CFLAR: variants seen among roughly 807,000 people sequenced by gnomAD.
CFLAR encodes the protein CASP8 and FADD like apoptosis regulator, also known as CASP8 and FADD-like apoptosis regulator.
A neutral mutation model predicts 51.1 loss-of-function variants in CFLAR; 14 were observed. The ratio of observed to expected loss-of-function variants is 0.27; its 90% CI spans 0.18 to 0.43. CFLAR has a LOEUF of 0.43. Among genes scored for constraint, CFLAR ranks in the 20% least tolerant of loss-of-function variants. The pLI, the probability that CFLAR is intolerant of heterozygous loss-of-function variation, is 1.00. For missense variants in CFLAR, 390 were observed against 566.5 expected, an observed-to-expected ratio of 0.69 and a Z score of 3.16; for synonymous variants, 210 against 211.6, an observed-to-expected ratio of 0.99 and a Z score of 0.06.
Position 201,141,385 on chromosome 2 carries a change from C to T in CFLAR, c.606+946C>T. On this transcript the variant is annotated intron_variant, in intron 5 of 9. Transcript: ENST00000309955. ...TTTCTCTTCTACAGATGATAACACC[C>T]TATGCCCATTGTCCTGATCTGAAAA... is the stretch of plus-strand genomic sequence containing the variant. 2.6e-6 allele frequency: 4 copies of T among 1,559,096 alleles called. No individual in the cohort carries two copies. The South Asian group carries it at 3.5e-5, about 14-fold the overall frequency.
chr2:201,149,901 T>A (rs929035695), intron 8 of CFLAR, 66 bp downstream of exon 8: 6 of 1,195,976 alleles, frequency 5.0e-6, no homozygotes, highest in Non-Finnish European at 7.5e-6. Context: ...GCAAGCTGTA[T>A]TCATTGGAGT....
intron 8 of CFLAR, among the ~76,000 whole-genome samples, chr2:201,159,801 T>A (rs1173490539): frequency 2.0e-5 from 3 of 152,200 alleles, no homozygotes; most frequent in African/African-American, 7.2e-5. Flanking sequence ...AGTTACTAAT[T>A]TAATTATATC....
intron 4 of CFLAR, chr2:201,137,905 T>C (rs2050360491): frequency 5.2e-6 from 4 of 772,128 alleles, no homozygotes; most frequent in African/African-American, 3.4e-5. Context: ...AGGGAGCCCA[T>C]CATCACTGTG....
At chr2:201,137,357 G>A in intron 4 of CFLAR, 1 of 348,170 alleles carries the variant, frequency 2.9e-6, no homozygotes, top group South Asian at 2.5e-5. Flanking sequence ...CAGCAAGGGG[G>A]GCTGCAGACC....
At chr2:201,126,899 C>A (rs1030303986) in intron 1 of CFLAR, among the ~76,000 whole-genome samples, 1 of 152,096 alleles carries the variant, frequency 6.6e-6, no homozygotes, top group Non-Finnish European at 1.5e-5. Context: ...TAATAATTGG[C>A]GATAGTCTCT....
rs1942876510 is a variant in CFLAR at position 201,160,588 on chromosome 2, G to C, written c.950G>C (p.Gly317Ala). The C allele has an allele frequency of 6.2e-7, 1 of 1,613,952 alleles. No homozygotes were observed. The highest frequency in any genetic ancestry group is 2.2e-5 in the East Asian group (1 of 44,870). The stretch of plus-strand genomic sequence containing the variant: ...GTGTGTGTCCTGGTGAGCCGAGGAG[G>C]CTCCCAGAGTGTGTATGGTGTGGAT... ...SFVCVLVSRGGSQSVYGVDQT... is the reference protein window; with the variant it reads ...SFVCVLVSRGASQSVYGVDQT... Residue 317 changes from glycine (G) to alanine (A), a missense_variant, in exon 9 of 10, where the codon GGC becomes GCC. Around this residue, in one of 2 missense-constraint regions of CFLAR, gnomAD observed 287 missense variants for 363.6 expected, o/e 0.79. Coordinates refer to ENST00000309955, the MANE Select transcript of CFLAR (RefSeq NM_003879.7).
intron 5 of CFLAR, chr2:201,141,555 G>T: frequency 7.7e-7 from 1 of 1,304,618 alleles, no homozygotes; most frequent in Non-Finnish European, 9.8e-7. Flanking sequence ...CCAATCTTTT[G>T]TTACTACTAA....
chr2:201,126,015 GTT>G (rs1175281843), intron 1 of CFLAR, among the ~76,000 whole-genome samples: 9 of 151,998 alleles, frequency 5.9e-5, no homozygotes, highest in African/African-American at 2.2e-4. Flanking sequence ...GCTGGCCAGA[GTT>G]TGTAGCATGC....
rs2050402847 is a variant in CFLAR at position 201,138,189 on chromosome 2, G to A, written c.523+2082G>A. 3 of 987,892 alleles carry A rather than the reference G, an allele frequency of 3.0e-6. No homozygotes were observed. The highest frequency in any genetic ancestry group is 1.6e-6 in the Non-Finnish European group (1 of 613,880). The allele number at this position is 987,892 out of a possible 1,614,324, so 61.2% of individuals were successfully genotyped here. A position where few individuals can be genotyped will look rare whatever the true frequency, so the allele number is the denominator to read the frequency against. On this transcript the variant is annotated intron_variant, in intron 4 of 9. Coordinates refer to ENST00000309955, the MANE Select transcript of CFLAR (RefSeq NM_003879.7). This position sits in a 1 kb window ranked among gnomAD's most constrained non-coding sequence, Gnocchi z 4.0. ...ATCACCTGGAGGTGGGGTTACTTTT[G>A]TTTGATGTAATGCACCATGGCGATC...
chr2:201,138,400 G>A lies in CFLAR; in HGVS notation c.524-1957G>A. 1 of 782,680 alleles carries A rather than the reference G, an allele frequency of 1.3e-6. No individual in the cohort carries two copies. Among genetic ancestry groups the A allele is most frequent in the South Asian group, 1.3e-5 (1 of 74,442 alleles). 48.5% of individuals were successfully genotyped at this position (782,680 alleles called of 1,614,324 possible). ...TCTTCAGCGCGGTGCAGGTGATAAT[G>A]GCCACCAGCTCATCGCGATCATTGA... On this transcript the variant is annotated intron_variant, in intron 4 of 9. Coordinates refer to ENST00000309955, the MANE Select transcript of CFLAR (RefSeq NM_003879.7). The surrounding 1 kb of genome is among the most constrained non-coding windows in gnomAD (Gnocchi z 4.0).
At chr2:201,121,918 G>A (rs2041767) in intron 1 of CFLAR, among the ~76,000 whole-genome samples, 3,638 of 152,246 alleles carry the variant, frequency 0.024, 156 homozygotes, top group African/African-American at 0.083. Context: ...TTGAGGAGAA[G>A]GAATGCCTGT....
At chr2:201,136,247 A>G (rs764811007) in intron 4 of CFLAR, 140 bp downstream of exon 4, 2 of 1,604,618 alleles carry the variant, frequency 1.2e-6, no homozygotes, top group Non-Finnish European at 1.7e-6. Context: ...GCTTGTGGCT[A>G]GAAATCGCGT....
chr2:201,117,059 A>AC (rs2047674685), intron 1 of CFLAR: 1 of 152,110 alleles, frequency 6.6e-6, no homozygotes, highest in African/African-American at 2.4e-5. Flanking sequence ...GTTGTTGGGA[A>AC]CGTGGACTTT....
At position 201,163,029 on chromosome 2, in the gene CFLAR, A is replaced by C. The variant is rs1189958229; in HGVS notation, c.1305-806A>C. The C allele has an allele frequency of 5.3e-6, 4 of 757,452 alleles. No individual in the cohort carries two copies. The South Asian group carries it at 5.5e-5, about 10-fold the overall frequency. 46.9% of individuals were successfully genotyped at this position (757,452 alleles called of 1,614,324 possible). ...TTCCCGGAAGTGGAATTACAGAGTC[A>C]AAGGACATGCATTTTTCAAGCCTCG... is the stretch of plus-strand genomic sequence containing the variant. On this transcript the variant is annotated intron_variant, in intron 9 of 9. Transcript: ENST00000309955.
chr2:201,126,374 T>C (rs1249538451), intron 1 of CFLAR, among the ~76,000 whole-genome samples: 2 of 152,220 alleles, frequency 1.3e-5, no homozygotes, highest in Non-Finnish European at 2.9e-5. Context: ...CGGATATTGC[T>C]GGCCACAGTA....
chr2:201,138,530 A>G lies in CFLAR; in HGVS notation c.524-1827A>G. ...GCTTGATCCTTGGCATCATCACCTC[A>G]CTGAGGAGGGTGGTGTGGTCCTTCT... On this transcript the variant is annotated intron_variant, in intron 4 of 9. Coordinates refer to ENST00000309955, the MANE Select transcript of CFLAR (RefSeq NM_003879.7). This position sits in a 1 kb window ranked among gnomAD's most constrained non-coding sequence, Gnocchi z 4.0. 6.4e-7 allele frequency: 1 copy of G among 1,554,506 alleles called. No homozygotes were observed. Among genetic ancestry groups the G allele is most frequent in the South Asian group, 1.1e-5 (1 of 90,074 alleles).
At chr2:201,148,834 T>G (rs1940754333) in intron 6 of CFLAR, 169 bp from the exon 7 acceptor site, 1 of 552,280 alleles carries the variant, frequency 1.8e-6, no homozygotes, top group African/African-American at 1.9e-5. Flanking sequence ...TATGTCACTT[T>G]CTTCAGTGTG....
At chr2:201,131,655 T>C (rs1233952433) in intron 2 of CFLAR, among the ~76,000 whole-genome samples, 2 of 152,218 alleles carry the variant, frequency 1.3e-5, no homozygotes. Flanking sequence ...TTGGAAAGTA[T>C]ATGAGATTTG....
At chr2:201,127,933 C>T (rs969288219) in intron 1 of CFLAR, among the ~76,000 whole-genome samples, 1 of 151,970 alleles carries the variant, frequency 6.6e-6, no homozygotes, top group African/African-American at 2.4e-5. Context: ...AAATGATTAT[C>T]TCATTTTGTT....
Sources: allele counts gnomAD v4.1 joint callset (sites outside exome capture counted in the v4.1 genomes callset), GRCh38; gene constraint gnomAD v4.1.1; regional missense constraint gnomAD v4.1.1; non-coding constraint Gnocchi (gnomAD v3.1); transcripts MANE v1.5; gene names NCBI Gene and HGNC (gene_info 2026-07-23, HGNC 2026-07-21).